Variants in WDR70 observed in about 807,000 individuals in gnomAD.
WDR70 encodes the protein WD repeat-containing protein 70.
A neutral mutation model predicts 88.6 loss-of-function variants in WDR70; 53 were observed. That is an observed-to-expected ratio of 0.60 (90% CI 0.48 to 0.75). The LOEUF (loss-of-function observed/expected upper bound fraction) is 0.75. Ranked by LOEUF, WDR70 falls within the 30% of genes least tolerant of loss-of-function variation. The probability of loss-of-function intolerance (pLI) is 0.00; values close to 1 mark genes in which losing one functional copy is unlikely to be tolerated. For missense variants in WDR70, 610 were observed against 823.2 expected, an observed-to-expected ratio of 0.74 and a Z score of 3.17; for synonymous variants, 280 against 270.0, an observed-to-expected ratio of 1.04 and a Z score of -0.36.
chr5:37,735,700 G>T (rs542055513), intron 17 of WDR70, among the ~76,000 whole-genome samples: 128 of 152,282 alleles, frequency 8.4e-4, no homozygotes, highest in African/African-American at 3.1e-3. Flanking sequence ...AAGTAGCAAA[G>T]TATTTGAAAG....
chr5:37,530,297 G>C (rs1741442060), intron 9 of WDR70, among the ~76,000 whole-genome samples: 1 of 152,062 alleles, frequency 6.6e-6, no homozygotes, highest in African/African-American at 2.4e-5. Context: ...CCTATTTTGG[G>C]TATTAGAGTG....
intron 9 of WDR70, among the ~76,000 whole-genome samples, chr5:37,579,799 A>T (rs1743168161): frequency 6.6e-6 from 1 of 152,120 alleles, no homozygotes; most frequent in South Asian, 2.1e-4. Context: ...CAACTTTTAT[A>T]AACAAGACAT....
intron 9 of WDR70, among the ~76,000 whole-genome samples, chr5:37,589,405 G>C (rs2112443207): frequency 2.0e-5 from 3 of 151,970 alleles, no homozygotes; most frequent in Middle Eastern, 6.8e-3. Flanking sequence ...CTTTTAAGTT[G>C]GTGAACATTT....
intron 8 of WDR70, among the ~76,000 whole-genome samples, chr5:37,485,688 A>AATT (rs367913868): frequency 1.2e-4 from 18 of 151,422 alleles, no homozygotes; most frequent in African/African-American, 2.2e-4. Flanking sequence ...TCATTCATTT[A>AATT]ATTATTATTA....
chr5:37,597,348 AG>A (rs1357312189), intron 9 of WDR70, among the ~76,000 whole-genome samples: 2 of 152,170 alleles, frequency 1.3e-5, no homozygotes, highest in African/African-American at 4.8e-5. Flanking sequence ...TATCCTCATC[AG>A]CACTAGGTAT....
At chr5:37,627,933 A>G (rs1744712225) in intron 10 of WDR70, among the ~76,000 whole-genome samples, 1 of 152,118 alleles carries the variant, frequency 6.6e-6, no homozygotes, top group African/African-American at 2.4e-5. Context: ...TCTGTGGTAC[A>G]GTTTGTGTAG....
At chr5:37,637,603 A>T (rs1465675352) in intron 10 of WDR70, among the ~76,000 whole-genome samples, 3 of 152,154 alleles carry the variant, frequency 2.0e-5, no homozygotes, top group African/African-American at 7.2e-5. Context: ...GGTCTTTAAC[A>T]TTCCTGAGGA....
rs1747878831 is a variant in WDR70 at position 37,723,327 on chromosome 5, AG to A, written c.1597+396del. On this transcript the variant is annotated intron_variant, in intron 15 of 17. Coordinates refer to ENST00000265107, the MANE Select transcript of WDR70 (RefSeq NM_018034.4). ...ATGTTGAACAACTTAACTTTTAATCAGGGAAGTGTGGCGACCAGAGGAAGGG... is the reference window on the plus strand; with the variant it reads ...ATGTTGAACAACTTAACTTTTAATCAGGAAGTGTGGCGACCAGAGGAAGGG... 7 of 194,554 alleles carry A rather than the reference AG, an allele frequency of 3.6e-5. 1 individual carries two copies. The South Asian group carries it at 8.4e-4, about 23-fold the overall frequency. 12.1% of individuals were successfully genotyped at this position (194,554 alleles called of 1,614,324 possible). A position where few individuals can be genotyped will look rare whatever the true frequency, so the allele number is the denominator to read the frequency against.
chr5:37,740,431 T>C (rs1290669801), intron 17 of WDR70, among the ~76,000 whole-genome samples: 1 of 152,250 alleles, frequency 6.6e-6, no homozygotes, highest in East Asian at 1.9e-4. Flanking sequence ...ACACTGGTGT[T>C]CCTTAGGCTT....
At chr5:37,437,886 T>C (rs1750521193) in intron 5 of WDR70, 36 bp from the exon 6 acceptor site, 1 of 1,583,008 alleles carries the variant, frequency 6.3e-7, no homozygotes, top group South Asian at 1.2e-5. Context: ...AAATATGTTA[T>C]TTTACCATTA....
At position 37,415,508 on chromosome 5, in the gene WDR70, G is replaced by T. The variant is rs533561153; in HGVS notation, c.492+18938G>T. ...GAAGGGGCGGCTGGGGGTGGGGGGG[G>T]CCTGACCCCCCCACCTCACCTCCCT... On this transcript the variant is annotated intron_variant, in intron 5 of 17. Coordinates refer to ENST00000265107, the MANE Select transcript of WDR70 (RefSeq NM_018034.4). 4.1e-4 allele frequency among the ~76,000 whole-genome samples: 31 copies of T among 75,202 alleles called. 10 individuals are homozygous for T. Among genetic ancestry groups the T allele is most frequent in the South Asian group, 3.0e-3 (6 of 1,978 alleles). The allele number at this position is 75,202 out of a possible 152,430, so 49.3% of individuals were successfully genotyped here.
intron 5 of WDR70, among the ~76,000 whole-genome samples, chr5:37,436,817 C>G (rs1213667572): frequency 6.7e-6 from 1 of 149,632 alleles, no homozygotes; most frequent in Non-Finnish European, 1.5e-5. Context: ...TGTTTATATG[C>G]TGAAGAGAAA....
chr5:37,474,956 T>C (rs1471880859), intron 7 of WDR70, among the ~76,000 whole-genome samples: 1 of 152,224 alleles, frequency 6.6e-6, no homozygotes. Flanking sequence ...TCTTGCTCTA[T>C]TGCCCAGGCT....
At chr5:37,615,884 T>G (rs1375523076) in intron 10 of WDR70, among the ~76,000 whole-genome samples, 2 of 152,218 alleles carry the variant, frequency 1.3e-5, no homozygotes, top group Admixed American at 1.3e-4. Context: ...GTCTCTCGCT[T>G]TCATTCTACT....
Position 37,499,629 on chromosome 5 carries a change from C to T in WDR70, c.841-16885C>T, listed in dbSNP as rs1456996169. Among the ~76,000 whole-genome samples, 28 of 142,278 alleles carry T rather than the reference C, an allele frequency of 2.0e-4. No homozygotes were observed. The East Asian group carries it at 3.7e-3, about 19-fold the overall frequency. 93.3% of individuals were successfully genotyped at this position (142,278 alleles called of 152,430 possible). ...TCTCTCTCTCTCTCTCTCTCTCTCT[C>T]GTCTCGGTTCACTGCAGCCTCGCCA... On this transcript the variant is annotated intron_variant, in intron 8 of 17. Coordinates refer to ENST00000265107, the MANE Select transcript of WDR70 (RefSeq NM_018034.4).
At chr5:37,538,208 C>G (rs995871231) in intron 9 of WDR70, among the ~76,000 whole-genome samples, 1 of 152,060 alleles carries the variant, frequency 6.6e-6, no homozygotes, top group Admixed American at 6.6e-5. Flanking sequence ...TCTTCTTTTT[C>G]GCATTCTTGC....
At chr5:37,732,374 C>G (rs1748171676) in intron 17 of WDR70, among the ~76,000 whole-genome samples, 1 of 152,064 alleles carries the variant, frequency 6.6e-6, no homozygotes, top group Non-Finnish European at 1.5e-5. Context: ...TGTACCTATT[C>G]AATTGTATAG....
chr5:37,592,162 G>C (rs1743548172), intron 9 of WDR70, among the ~76,000 whole-genome samples: 2 of 152,198 alleles, frequency 1.3e-5, no homozygotes, highest in Admixed American at 6.5e-5. Flanking sequence ...GAGATGTCTT[G>C]AGATGGGACC....
At chr5:37,576,469 T>C (rs1019988366) in intron 9 of WDR70, among the ~76,000 whole-genome samples, 1 of 152,192 alleles carries the variant, frequency 6.6e-6, no homozygotes, top group Non-Finnish European at 1.5e-5. Flanking sequence ...TGTTATATAC[T>C]TGTATTTTAT....
Sources: gnomAD v4.1 joint callset for allele counts (sites outside exome capture counted in the v4.1 genomes callset) on GRCh38, gnomAD v4.1.1 for gene constraint, MANE v1.5 for transcripts, NCBI Gene and HGNC (gene_info 2026-07-23, HGNC 2026-07-21) for gene names.